Variants in SYNE1 observed in about 807,000 individuals in gnomAD.
SYNE1 encodes the protein spectrin repeat containing nuclear envelope protein 1, also known as nesprin-1.
In SYNE1, 616 loss-of-function variants were observed where a neutral mutation model predicts 1,111.0. The observed-to-expected ratio is 0.55, with a 90% CI of 0.52 to 0.59. The LOEUF is 0.59. Among genes scored for constraint, SYNE1 ranks in the 20% least tolerant of loss-of-function variants. The probability of loss-of-function intolerance (pLI) is 0.00; values close to 1 mark genes in which losing one functional copy is unlikely to be tolerated. For missense variants in SYNE1, 10,006 were observed against 10,417.0 expected (o/e 0.96, Z 1.72); for synonymous variants, 3,855 against 3,825.8 (o/e 1.01, Z -0.28).
chr6:152,585,272 A>G (rs9397529), intron 3 of SYNE1, among the ~76,000 whole-genome samples: 16,896 of 152,278 alleles, frequency 0.11, 1,392 homozygotes, highest in East Asian at 0.44. Flanking sequence ...TTTCCTTTAT[A>G]AATTACCCAG....
At chr6:152,236,725 T>G (rs2084169007) in intron 109 of SYNE1, 92 bp downstream of exon 109, 1 of 1,442,010 alleles carries the variant, frequency 6.9e-7, no homozygotes. Context: ...AAAGTAAAAG[T>G]ACTAATAAAA....
chr6:152,604,555 T>A (rs184584580), intron 3 of SYNE1, among the ~76,000 whole-genome samples: 6 of 152,208 alleles, frequency 3.9e-5, no homozygotes, highest in Admixed American at 2.6e-4. Context: ...CCACCCACTC[T>A]GGCCTCCCGA....
At chr6:152,498,663 A>G in intron 11 of SYNE1, 79 bp downstream of exon 11, 1 of 983,162 alleles carries the variant, frequency 1.0e-6, no homozygotes, top group East Asian at 2.6e-5. Context: ...AGACAAAAAC[A>G]TGCAAGGGAA....
At chr6:152,378,530 G>A (rs1027355156) in intron 56 of SYNE1, among the ~76,000 whole-genome samples, 2 of 152,098 alleles carry the variant, frequency 1.3e-5, no homozygotes, top group Non-Finnish European at 2.9e-5. Context: ...TCTGCACGTT[G>A]ACTTTCACAG....
chr6:152,438,457 TAAAC>T (rs1364404527), intron 32 of SYNE1, among the ~76,000 whole-genome samples: 1 of 151,986 alleles, frequency 6.6e-6, no homozygotes. Context: ...AAAACAAAAT[TAAAC>T]AAAAACAGAA....
intron 55 of SYNE1, among the ~76,000 whole-genome samples, chr6:152,385,407 C>T (rs1269178150): frequency 6.6e-6 from 1 of 152,178 alleles, no homozygotes; most frequent in African/African-American, 2.4e-5. Context: ...GTCAGCCCAC[C>T]AAATTAGCCA....
At position 152,376,842 on chromosome 6, in the gene SYNE1, C is replaced by CA; in HGVS notation, c.9079dup (p.Cys3027LeufsTer19). 1 of 1,614,122 alleles carries CA rather than the reference C, an allele frequency of 6.2e-7. No homozygotes were observed. The highest frequency in any genetic ancestry group is 1.3e-5 in the African/African-American group (1 of 75,038). On this transcript the variant is annotated frameshift_variant, in exon 57 of 146. Coordinates refer to ENST00000367255, the MANE Select transcript of SYNE1 (RefSeq NM_182961.4). LOFTEE classifies it high-confidence loss of function. Reference sequence around the variant, plus strand: ...GGTACTCAGGTCTCTGGAAAATCGACAAAGTTCATTCAGCTGAGACTTGAG... The same window carrying CA: ...GGTACTCAGGTCTCTGGAAAATCGACAAAAGTTCATTCAGCTGAGACTTGAG...
rs780268870 is a variant in SYNE1 at position 152,255,108 on chromosome 6, C to T, written c.19261-19G>A. 14 of 1,560,908 alleles carry T rather than the reference C, an allele frequency of 9.0e-6. No individual in the cohort carries two copies. The highest frequency in any genetic ancestry group is 1.4e-5 in the African/African-American group (1 of 73,682). On this transcript the variant is annotated intron_variant, in intron 103 of 145. Coordinates refer to ENST00000367255, the MANE Select transcript of SYNE1 (RefSeq NM_182961.4). The stretch of plus-strand genomic sequence containing the variant: ...CAAGAATCTAGAGGTGATAAAAGGG[C>T]ATTTTTCAGTGTTTAGATACATGAA...
At chr6:152,636,471 C>T (rs1052610409) in intron 2 of SYNE1, among the ~76,000 whole-genome samples, 167 bp downstream of exon 2, 1 of 152,154 alleles carries the variant, frequency 6.6e-6, no homozygotes, top group Non-Finnish European at 1.5e-5. Flanking sequence ...GAGTATCGCA[C>T]ACGTACACAC....
chr6:152,449,601 G>C lies in SYNE1; in HGVS notation c.3436C>G (p.Gln1146Glu), dbSNP rs760256766. The change falls in exon 28 of 146, where the codon CAA becomes GAA. Residue 1146 changes from glutamine (Q) to glutamate (E), a missense_variant. Physicochemically the swap from Gln to Glu is conservative, Grantham distance 29. Around this residue, in one of 7 missense-constraint regions of SYNE1, gnomAD observed 1,971 missense variants for 2,084.1 expected, o/e 0.95. Coordinates refer to ENST00000367255, the MANE Select transcript of SYNE1 (RefSeq NM_182961.4). ...GCCTCACCCTTGATCCCCTTTAATTGTGTCTCATTTGTAGATATCCAAGAT... is the reference window on the plus strand; with the variant it reads ...GCCTCACCCTTGATCCCCTTTAATTCTGTCTCATTTGTAGATATCCAAGAT... ...FSSWISTNETQLKGIKGEAID... is the reference protein window; with the variant it reads ...FSSWISTNETELKGIKGEAID... 7.5e-5 allele frequency: 121 copies of C among 1,613,768 alleles called. 1 individual carries two copies. The highest frequency in any genetic ancestry group is 5.8e-5 in the Non-Finnish European group (69 of 1,179,948).
intron 14 of SYNE1, among the ~76,000 whole-genome samples, chr6:152,474,806 C>A (rs760436812): frequency 9.2e-5 from 14 of 152,006 alleles, no homozygotes; most frequent in Non-Finnish European, 1.8e-4. Flanking sequence ...GGCAATCATA[C>A]TGTACAACTA....
rs550838432 is a variant in SYNE1 at position 152,257,260 on chromosome 6, C to T, written c.18973-495G>A. Among the ~76,000 whole-genome samples, 7 of 152,286 alleles carry T rather than the reference C, an allele frequency of 4.6e-5. No homozygotes were observed. The South Asian group carries it at 1.0e-3, about 23-fold the overall frequency. On this transcript the variant is annotated intron_variant, in intron 101 of 145. Transcript: ENST00000367255. ...CAAATAAAATAAAGCAGGCCACCCA[C>T]GATGGCTCATGCCTGTAATCACAGC...
intron 90 of SYNE1, among the ~76,000 whole-genome samples, chr6:152,309,103 G>A (rs760261517): frequency 1.3e-5 from 2 of 152,174 alleles, no homozygotes; most frequent in Non-Finnish European, 2.9e-5. Flanking sequence ...TGGATCATGT[G>A]AGCCCAGGAG....
At chr6:152,385,560 T>C in intron 55 of SYNE1, 114 bp downstream of exon 55, 3 of 1,261,186 alleles carry the variant, frequency 2.4e-6, no homozygotes, top group South Asian at 2.6e-5. Context: ...AGGCATCAAA[T>C]AGAAAACAGG....
intron 95 of SYNE1, among the ~76,000 whole-genome samples, chr6:152,291,041 C>A (rs538660446): frequency 6.8e-6 from 1 of 147,592 alleles, no homozygotes; most frequent in East Asian, 2.0e-4. Flanking sequence ...CTCATTAGAA[C>A]ATTAATATGT....
intron 7 of SYNE1, 59 bp downstream of exon 7, chr6:152,510,952 C>A: frequency 5.5e-6 from 8 of 1,461,458 alleles, no homozygotes. Context: ...ATTAAAATGG[C>A]CACCATGATC....
intron 115 of SYNE1, among the ~76,000 whole-genome samples, chr6:152,227,975 G>A (rs2081982355): frequency 6.6e-6 from 1 of 151,990 alleles, no homozygotes; most frequent in African/African-American, 2.4e-5. Context: ...TCTTAACTTC[G>A]ATTAATTCAT....
At chr6:152,164,033 C>G (rs1432704569) in intron 131 of SYNE1, 130 bp downstream of exon 131, 1 of 1,269,144 alleles carries the variant, frequency 7.9e-7, no homozygotes. Context: ...AAGCCCCCTT[C>G]CTCACCAGTC....
chr6:152,526,665 C>T (rs1388951206), intron 4 of SYNE1, among the ~76,000 whole-genome samples: 1 of 152,198 alleles, frequency 6.6e-6, no homozygotes, highest in Non-Finnish European at 1.5e-5. Flanking sequence ...GCTCAGTGAC[C>T]TGCTAGAGGA....
Sources: allele counts gnomAD v4.1 joint callset (sites outside exome capture counted in the v4.1 genomes callset), GRCh38; gene constraint gnomAD v4.1.1; regional missense constraint gnomAD v4.1.1; transcripts MANE v1.5; gene names NCBI Gene and HGNC (gene_info 2026-07-23, HGNC 2026-07-21).